The following U2SURP variants were observed in gnomAD, a reference collection of about 807,000 sequenced individuals.
U2SURP encodes U2 snRNP associated SURP domain containing.
Under a neutral mutation model 144.9 loss-of-function variants are expected in U2SURP, and 9 were observed. The ratio of observed to expected loss-of-function variants is 0.06; its 90% CI spans 0.04 to 0.11. The LOEUF (loss-of-function observed/expected upper bound fraction) is 0.11. Ranked by LOEUF, U2SURP falls within the 10% of genes least tolerant of loss-of-function variation. The pLI is 1.00. For missense variants in U2SURP, 724 were observed against 1,226.7 expected (o/e 0.59, Z 6.12); for synonymous variants, 408 against 396.8 (o/e 1.03, Z -0.33).
intron 22 of U2SURP, among the ~76,000 whole-genome samples, 194 bp downstream of exon 22, chr3:143,038,397 T>G (rs1258844423): frequency 6.6e-6 from 1 of 152,006 alleles, no homozygotes; most frequent in Non-Finnish European, 1.5e-5. Context: ...GGTCCTTCAG[T>G]TTGGAAGCTT....
At chr3:143,051,618 A>G (rs986895043) in intron 25 of U2SURP, among the ~76,000 whole-genome samples, 4 of 150,910 alleles carry the variant, frequency 2.7e-5, no homozygotes, top group African/African-American at 7.3e-5. Flanking sequence ...AAAAAAAAAA[A>G]AAAGAAAAAC....
At chr3:143,047,630 C>CA (rs1934586904) in intron 24 of U2SURP, among the ~76,000 whole-genome samples, 1 of 48,206 alleles carries the variant, frequency 2.1e-5, no homozygotes, top group Non-Finnish European at 3.7e-5. Flanking sequence ...GGGGGCTGAC[C>CA]CCCCCTCCCG....
intron 1 of U2SURP, among the ~76,000 whole-genome samples, chr3:143,007,444 ATTT>A (rs397877854): frequency 1.7e-5 from 2 of 118,236 alleles, no homozygotes; most frequent in Admixed American, 9.1e-5. Flanking sequence ...CTTTCAAGAG[ATTT>A]TTTTTTTTTT....
chr3:143,008,492 G>A (rs9990198), intron 1 of U2SURP, among the ~76,000 whole-genome samples: 5,547 of 152,282 alleles, frequency 0.036, 290 homozygotes, highest in African/African-American at 0.11. Context: ...GGAATTTAGA[G>A]CGGTTGAATG....
chr3:143,046,189 T>C (rs1040334680), intron 24 of U2SURP, among the ~76,000 whole-genome samples: 2 of 151,374 alleles, frequency 1.3e-5, no homozygotes, highest in Admixed American at 6.6e-5. Context: ...ATGATTCGTG[T>C]TATAAAATAC....
intron 16 of U2SURP, among the ~76,000 whole-genome samples, chr3:143,031,384 A>C (rs1933472701): frequency 6.6e-6 from 1 of 152,130 alleles, no homozygotes. Flanking sequence ...TTTATTGTTT[A>C]AGAAATTGCT....
rs753834748 is a variant in U2SURP at position 143,004,573 on chromosome 3, ACC to A, written c.45+2911_45+2912del. Among the ~76,000 whole-genome samples, 291 of 48,560 alleles carry A rather than the reference ACC, an allele frequency of 6.0e-3. 54 individuals are homozygous for A. Among genetic ancestry groups the A allele is most frequent in the African/African-American group, 0.02 (177 of 8,678 alleles). 31.9% of individuals were successfully genotyped at this position (48,560 alleles called of 152,430 possible). On this transcript the variant is annotated intron_variant, in intron 1 of 27. Coordinates refer to ENST00000473835, the MANE Select transcript of U2SURP (RefSeq NM_001080415.2). ...CATCTGTTGGCCTCTTGACCTTGTG[ACC>A]CCCCCCCCCCGCCTCGGCCTCCCAA...
intron 23 of U2SURP, among the ~76,000 whole-genome samples, chr3:143,041,415 T>C (rs1934099138): frequency 6.6e-6 from 1 of 151,990 alleles, no homozygotes; most frequent in African/African-American, 2.4e-5. Flanking sequence ...TTTGGACTTT[T>C]TTCTTCCTTA....
intron 1 of U2SURP, among the ~76,000 whole-genome samples, chr3:143,006,844 T>G (rs986856831): frequency 7.9e-5 from 12 of 152,304 alleles, no homozygotes; most frequent in Admixed American, 5.2e-4. Context: ...GGAGAGATTG[T>G]TAAACTTGTG....
chr3:143,028,635 A>G lies in U2SURP; in HGVS notation c.1599A>G (p.Ala533=). ...TAGAGGAACCTAGTAAAAAGGGAGC[A>G]CTTAAGGAAGAGTAAGATATTTTTC... ...AFVEEPSKKG[A]LKEEQRDKLE... Residue 533 remains alanine, a synonymous_variant, in exon 16 of 28, where the codon GCA becomes GCG. Transcript: ENST00000473835. 1.1e-5 allele frequency: 17 copies of G among 1,599,912 alleles called. No homozygotes were observed. Among genetic ancestry groups the G allele is most frequent in the Non-Finnish European group, 1.4e-5 (17 of 1,176,212 alleles).
rs1349666185 is a variant in U2SURP at position 143,033,255 on chromosome 3, T to C, written c.1774-16T>C. On this transcript the variant is annotated splice_polypyrimidine_tract_variant and intron_variant, in intron 17 of 27. Transcript: ENST00000473835. ...CCTTATATTAACCTATTTTGTGTTA[T>C]CTTTTGATATTATAGATTGCCAGAT... 20 of 1,463,998 alleles carry C rather than the reference T, an allele frequency of 1.4e-5. No homozygotes were observed. Among genetic ancestry groups the C allele is most frequent in the Middle Eastern group, 1.8e-4 (1 of 5,478 alleles). 90.7% of individuals were successfully genotyped at this position (1,463,998 alleles called of 1,614,324 possible).
intron 13 of U2SURP, among the ~76,000 whole-genome samples, chr3:143,025,614 A>C (rs1933099438): frequency 6.6e-6 from 1 of 152,216 alleles, no homozygotes. Flanking sequence ...ATGAATGCTG[A>C]AGAACTGCAT....
In U2SURP at chr3:143,027,189, G is replaced by A; in HGVS notation, c.1315G>A (p.Val439Ile). 3 of 1,613,004 alleles carry A rather than the reference G, an allele frequency of 1.9e-6. No homozygotes were observed. Among genetic ancestry groups the A allele is most frequent in the Non-Finnish European group, 2.5e-6 (3 of 1,179,198 alleles). ...GATACATCGAATGATAGAGTTTGTT[G>A]TACGTGAAGGGCCAATGTTTGAAGC... ...ALIHRMIEFV[V>I]REGPMFEAMI... Residue 439 changes from valine to isoleucine, a missense_variant, in exon 14 of 28, where the codon GTA becomes ATA. Val to Ile is a conservative substitution (Grantham distance 29, BLOSUM62 3). Transcript: ENST00000473835.
At chr3:143,031,311 A>AAAC (rs1200078219) in intron 16 of U2SURP, among the ~76,000 whole-genome samples, 1 of 151,112 alleles carries the variant, frequency 6.6e-6, no homozygotes, top group African/African-American at 2.4e-5. Context: ...AAATGTTAAC[A>AAAC]AACAACAACT....
chr3:143,039,599 ATTT>A (rs10706682), intron 23 of U2SURP, among the ~76,000 whole-genome samples: 121 of 136,760 alleles, frequency 8.8e-4, no homozygotes, highest in African/African-American at 1.3e-3. Context: ...AGGGAGTTGA[ATTT>A]TTTTTTTTTT....
intron 2 of U2SURP, 180 bp from the exon 3 acceptor site, chr3:143,012,042 A>G (rs1248838340): frequency 1.3e-6 from 1 of 766,874 alleles, no homozygotes; most frequent in South Asian, 1.5e-5. Flanking sequence ...GAGTTATTGA[A>G]AACTTTCCCT....
At chr3:143,051,197 T>C in intron 25 of U2SURP, 148 bp downstream of exon 25, 1 of 535,912 alleles carries the variant, frequency 1.9e-6, no homozygotes. Flanking sequence ...ATTTGAAATT[T>C]GATATTTTAA....
chr3:143,018,817 C>T (rs1024712970), intron 6 of U2SURP, among the ~76,000 whole-genome samples: 15 of 152,008 alleles, frequency 9.9e-5, no homozygotes, highest in East Asian at 1.9e-4. Context: ...CCCAGCTACT[C>T]GGGAGGCTGA....
intron 7 of U2SURP, 77 bp from the exon 8 acceptor site, chr3:143,020,522 A>G (rs1407773907): frequency 1.1e-6 from 1 of 912,210 alleles, no homozygotes; most frequent in African/African-American, 1.7e-5. Flanking sequence ...TGATGATAGT[A>G]ATTTGATAAG....
Sources: allele counts gnomAD v4.1 joint callset (sites outside exome capture counted in the v4.1 genomes callset), GRCh38; gene constraint gnomAD v4.1.1; transcripts MANE v1.5; gene names NCBI Gene and HGNC (gene_info 2026-07-23, HGNC 2026-07-21).